HECA: variants seen among roughly 807,000 people sequenced by gnomAD.
HECA encodes headcase protein homolog.
In HECA, 13 loss-of-function variants were observed where a neutral mutation model predicts 37.6. The observed-to-expected ratio is 0.35, with a 90% confidence interval of 0.23 to 0.55. HECA has a LOEUF of 0.55. HECA is among the 20% of genes least tolerant of loss of function. The pLI is 0.90. For synonymous variants in HECA, 307 were observed against 291.5 expected, an observed-to-expected ratio of 1.05 and a Z score of -0.54; for missense variants, 527 against 701.9, an observed-to-expected ratio of 0.75 and a Z score of 2.82.
chr6:139,168,428 T>G (rs1388261633), intron 2 of HECA, among the ~76,000 whole-genome samples: 4 of 150,142 alleles, frequency 2.7e-5, no homozygotes, highest in Non-Finnish European at 4.5e-5. Flanking sequence ...TTGCATAGTT[T>G]TTTTTTTTTT....
intron 1 of HECA, among the ~76,000 whole-genome samples, chr6:139,136,816 A>C (rs1214386844): frequency 2.0e-5 from 3 of 152,104 alleles, no homozygotes; most frequent in East Asian, 3.9e-4. Flanking sequence ...TGTTATTTTT[A>C]GTAGAGACAG....
At chr6:139,158,670 CAAAAAA>C (rs4052916) in intron 1 of HECA, among the ~76,000 whole-genome samples, 1 of 123,164 alleles carries the variant, frequency 8.1e-6, no homozygotes, top group African/African-American at 3.0e-5. Context: ...GACCCTGTCT[CAAAAAA>C]AAAAAAAAAA....
chr6:139,163,352 CTTT>C (rs60943037), intron 1 of HECA, among the ~76,000 whole-genome samples: 2 of 142,406 alleles, frequency 1.4e-5, no homozygotes, highest in Non-Finnish European at 1.5e-5. Flanking sequence ...GTTCTCCATT[CTTT>C]TTTTTTTTTT....
At chr6:139,146,540 G>A (rs903907592) in intron 1 of HECA, among the ~76,000 whole-genome samples, 4 of 152,226 alleles carry the variant, frequency 2.6e-5, no homozygotes, top group Non-Finnish European at 4.4e-5. Flanking sequence ...AGTCGAAACA[G>A]AAATGTACAG....
chr6:139,166,807 C>T lies in HECA; in HGVS notation c.795C>T (p.Pro265=), dbSNP rs1463384662. 18 of 1,613,596 alleles carry T rather than the reference C, an allele frequency of 1.1e-5. No homozygotes were observed. The highest frequency in any genetic ancestry group is 1.4e-5 in the Non-Finnish European group (17 of 1,179,962). The part of the protein sequence containing the change: ...VGAAAYGARS[P]GGSPGQSPPT... ...CCGCAGCCTACGGTGCCCGTTCCCC[C>T]GGTGGCTCCCCGGGCCAGTCCCCAC... The change falls in exon 2 of 4, where the codon CCC becomes CCT. Residue 265 remains proline (P), a synonymous_variant. Coordinates refer to ENST00000367658, the MANE Select transcript of HECA (RefSeq NM_016217.3).
chr6:139,141,754 T>TTCC (rs374888970), intron 1 of HECA, among the ~76,000 whole-genome samples: 7 of 38,466 alleles, frequency 1.8e-4, no homozygotes, highest in African/African-American at 2.6e-4. Flanking sequence ...AAACACCTTC[T>TTCC]TTTTTTTTTT....
chr6:139,166,343 G>A lies in HECA; in HGVS notation c.331G>A (p.Asp111Asn). ...SFGRPVDLEK[D>N]DYQKVVCNNE... ...CGGTAGGCCGGTGGACCTGGAGAAG[G>A]ACGACTACCAGAAGGTGGTGTGCAA... The change falls in exon 2 of 4, where the codon GAC (aspartate) becomes AAC (asparagine). Residue 111 changes from aspartate to asparagine, a missense_variant. Physicochemically the swap from Asp to Asn is conservative, Grantham distance 23. This residue lies in a region of HECA where 172 missense variants were observed against 197.6 expected (regional missense o/e 0.87). Coordinates refer to ENST00000367658, the MANE Select transcript of HECA (RefSeq NM_016217.3). 1 of 1,613,910 alleles carries A rather than the reference G, an allele frequency of 6.2e-7. No individual in the cohort carries two copies. Among genetic ancestry groups the A allele is most frequent in the Non-Finnish European group, 8.5e-7 (1 of 1,179,802 alleles).
In HECA at chr6:139,135,379, TG is replaced by T; in HGVS notation, c.-16del. ...CCTTCGCTGACGCCGGGCACCTACC[TG>T]GACGCGAGCGAGCGAGATGCCCAAC... On this transcript the variant is annotated 5_prime_UTR_variant, in exon 1 of 4. Transcript: ENST00000367658. 1.5e-6 allele frequency: 2 copies of T among 1,347,570 alleles called. No homozygotes were observed. Among genetic ancestry groups the T allele is most frequent in the Non-Finnish European group, 2.0e-6 (2 of 1,025,268 alleles). 83.5% of individuals were successfully genotyped at this position (1,347,570 alleles called of 1,614,324 possible).
chr6:139,166,001 G>C (rs1374449316), intron 1 of HECA: 1 of 314,458 alleles, frequency 3.2e-6, no homozygotes, highest in African/African-American at 2.1e-5. Flanking sequence ...ATCGGTATGA[G>C]ACCGTCTATG....
intron 1 of HECA, 43 bp downstream of exon 1, chr6:139,135,710 C>G (rs1436556510): frequency 3.2e-6 from 3 of 932,922 alleles, no homozygotes; most frequent in Non-Finnish European, 3.8e-6. Context: ...TCCTCCCCGA[C>G]GGGGACGGCG....
At position 139,135,298 on chromosome 6, in the gene HECA, T is replaced by C. The variant is rs1201722516; in HGVS notation, c.-99T>C. ...GGAACCGCCGGCTCGCGCCCTCCGT[T>C]CTTTCCCGGAGCCGGCTTCACGCAG... On this transcript the variant is annotated 5_prime_UTR_variant, in exon 1 of 4. Transcript: ENST00000367658. 1 of 1,010,770 alleles carries C rather than the reference T, an allele frequency of 9.9e-7. No homozygotes were observed. Among genetic ancestry groups the C allele is most frequent in the Non-Finnish European group, 1.2e-6 (1 of 810,258 alleles). The allele number at this position is 1,010,770 out of a possible 1,614,324, so 62.6% of individuals were successfully genotyped here.
chr6:139,161,633 C>T (rs2114463257), intron 1 of HECA, among the ~76,000 whole-genome samples: 1 of 152,296 alleles, frequency 6.6e-6, no homozygotes, highest in South Asian at 2.1e-4. Context: ...TCTCTTAATC[C>T]ACCTTTCTTT....
At chr6:139,151,833 G>T (rs1268314481) in intron 1 of HECA, among the ~76,000 whole-genome samples, 1 of 152,160 alleles carries the variant, frequency 6.6e-6, no homozygotes, top group Non-Finnish European at 1.5e-5. Context: ...CTACAATCTG[G>T]TTACGCAAAG....
At position 139,135,530 on chromosome 6, in the gene HECA, C is replaced by CGGCGGCGGCCGGTTGCGG. The variant is rs1562240918; in HGVS notation, c.144_161dup (p.Gly49_Ala54dup). 1 of 983,248 alleles carries CGGCGGCGGCCGGTTGCGG rather than the reference C, an allele frequency of 1.0e-6. No individual in the cohort carries two copies. The highest frequency in any genetic ancestry group is 1.2e-6 in the Non-Finnish European group (1 of 830,042). The allele number at this position is 983,248 out of a possible 1,614,324, so 60.9% of individuals were successfully genotyped here. A position where few individuals can be genotyped will look rare whatever the true frequency, so the allele number is the denominator to read the frequency against. ...GGAGCGGCGGCCGGGGGGGCCCTGG[C>CGGCGGCGGCCGGTTGCGG]GGCGGCGGCCGGTTGCGGGGCGGCG... On this transcript the variant is annotated inframe_insertion, in exon 1 of 4. Transcript: ENST00000367658.
chr6:139,140,646 T>TA (rs1389239262), intron 1 of HECA, among the ~76,000 whole-genome samples: 1 of 152,224 alleles, frequency 6.6e-6, no homozygotes, highest in African/African-American at 2.4e-5. Flanking sequence ...AAACGGGAGA[T>TA]AAAACGGGAA....
At chr6:139,165,168 G>A (rs1774865528) in intron 1 of HECA, among the ~76,000 whole-genome samples, 1 of 152,156 alleles carries the variant, frequency 6.6e-6, no homozygotes, top group South Asian at 2.1e-4. Context: ...AGATTAAACA[G>A]ATGAAATAAC....
chr6:139,162,870 C>T (rs1268365887), intron 1 of HECA, among the ~76,000 whole-genome samples: 1 of 152,130 alleles, frequency 6.6e-6, no homozygotes, highest in African/African-American at 2.4e-5. Flanking sequence ...AGGTTTTGGC[C>T]TGTATTCCCT....
chr6:139,156,142 G>C (rs1245201545), intron 1 of HECA, among the ~76,000 whole-genome samples: 2 of 102,128 alleles, frequency 2.0e-5, no homozygotes, highest in African/African-American at 9.0e-5. Flanking sequence ...AAGGATTTTG[G>C]TGACGTTTGT....
At chr6:139,174,290 T>C in intron 2 of HECA, 95 bp from the exon 3 acceptor site, 1 of 1,370,570 alleles carries the variant, frequency 7.3e-7, no homozygotes, top group African/African-American at 1.4e-5. Context: ...ATAAAATCTT[T>C]GCTTATAATT....
Sources: allele counts gnomAD v4.1 joint callset (sites outside exome capture counted in the v4.1 genomes callset), GRCh38; gene constraint gnomAD v4.1.1; regional missense constraint gnomAD v4.1.1; transcripts MANE v1.5; gene names NCBI Gene and HGNC (gene_info 2026-07-23, HGNC 2026-07-21).